Variants in ZNF609 observed in about 807,000 individuals in gnomAD.
ZNF609 encodes zinc finger protein 609.
A neutral mutation model predicts 109.5 loss-of-function variants in ZNF609; 11 were observed. The observed-to-expected ratio is 0.10, with a 90% CI of 0.06 to 0.17. The LOEUF (loss-of-function observed/expected upper bound fraction) is 0.17, where lower values mean the gene tolerates loss of function less well. ZNF609 is among the 10% of genes least tolerant of loss of function. The probability of loss-of-function intolerance (pLI) is 1.00; values close to 1 mark genes in which losing one functional copy is unlikely to be tolerated. For missense variants in ZNF609, 1,559 were observed against 1,772.4 expected, an observed-to-expected ratio of 0.88 and a Z score of 2.16; for synonymous variants, 646 against 662.0, an observed-to-expected ratio of 0.98 and a Z score of 0.37.
At chr15:64,678,012 T>A in intron 5 of ZNF609, 104 bp from the exon 6 acceptor site, 2 of 1,436,270 alleles carry the variant, frequency 1.4e-6, no homozygotes, top group Non-Finnish European at 1.9e-6. Context: ...GCCCCAGGTG[T>A]CTAGTACTAA....
intron 2 of ZNF609, among the ~76,000 whole-genome samples, chr15:64,537,510 AAAAAAG>A (rs1386743534): frequency 6.6e-6 from 1 of 151,782 alleles, no homozygotes; most frequent in Non-Finnish European, 1.5e-5. Flanking sequence ...CTCAAAAAAA[AAAAAAG>A]AAAAAGAAAA....
At chr15:64,492,497 C>A (rs1166414733) in intron 1 of ZNF609, among the ~76,000 whole-genome samples, 2 of 152,070 alleles carry the variant, frequency 1.3e-5, no homozygotes, top group African/African-American at 4.8e-5. Flanking sequence ...TACACTAGAA[C>A]CTTATAAGAG....
intron 1 of ZNF609, among the ~76,000 whole-genome samples, chr15:64,467,539 A>G (rs1193613572): frequency 6.6e-6 from 1 of 152,182 alleles, no homozygotes; most frequent in African/African-American, 2.4e-5. Flanking sequence ...GGTAATTAAT[A>G]AAATACTTTA....
At chr15:64,473,066 C>G (rs2140331291) in intron 1 of ZNF609, among the ~76,000 whole-genome samples, 1 of 151,992 alleles carries the variant, frequency 6.6e-6, no homozygotes, top group South Asian at 2.1e-4. Flanking sequence ...AAATTTGTTT[C>G]TACTTGGCAT....
intron 3 of ZNF609, chr15:64,631,284 T>C: frequency 1.5e-6 from 1 of 666,084 alleles, no homozygotes; most frequent in Non-Finnish European, 2.8e-6. Flanking sequence ...GGAAGCTATC[T>C]TGGCTTTTAG....
Position 64,508,243 on chromosome 15 carries a change from C to T in ZNF609, c.747+8077C>T, listed in dbSNP as rs555294920. On this transcript the variant is annotated intron_variant, in intron 2 of 9. Coordinates refer to ENST00000326648, the MANE Select transcript of ZNF609 (RefSeq NM_015042.2). ...TGTTTTGGGGGTTGGTATTACAAAG[C>T]AATCTACTTTTCTTTTGGCATCTGT... 7.9e-5 allele frequency among the ~76,000 whole-genome samples: 12 copies of T among 152,300 alleles called. No homozygotes were observed. The East Asian group carries it at 2.1e-3, about 27-fold the overall frequency.
chr15:64,516,635 T>A (rs1893815578), intron 2 of ZNF609, among the ~76,000 whole-genome samples: 1 of 152,154 alleles, frequency 6.6e-6, no homozygotes, highest in South Asian at 2.1e-4. Flanking sequence ...GCCTCAATCC[T>A]CCAAAGTGTT....
intron 2 of ZNF609, among the ~76,000 whole-genome samples, chr15:64,612,493 AG>A (rs1895733276): frequency 6.6e-6 from 1 of 152,064 alleles, no homozygotes; most frequent in Non-Finnish European, 1.5e-5. Context: ...TTATGTTGCC[AG>A]CTACTCTGTC....
At chr15:64,522,201 T>C (rs1893901477) in intron 2 of ZNF609, among the ~76,000 whole-genome samples, 1 of 152,206 alleles carries the variant, frequency 6.6e-6, no homozygotes, top group South Asian at 2.1e-4. Flanking sequence ...ACTAACGAGG[T>C]TTCAGCATTC....
intron 3 of ZNF609, among the ~76,000 whole-genome samples, chr15:64,633,178 C>G (rs1481160805): frequency 1.3e-5 from 2 of 148,342 alleles, no homozygotes; most frequent in African/African-American, 5.0e-5. Context: ...CACAGGGTCT[C>G]ACTCTGTTGC....
At chr15:64,679,035 T>C (rs552800803) in intron 6 of ZNF609, among the ~76,000 whole-genome samples, 1 of 152,316 alleles carries the variant, frequency 6.6e-6, no homozygotes, top group East Asian at 1.9e-4. Flanking sequence ...TAGATTCAGC[T>C]TGGAAAAGAC....
chr15:64,538,580 CTTG>C (rs1479572201), intron 2 of ZNF609, among the ~76,000 whole-genome samples: 1 of 152,156 alleles, frequency 6.6e-6, no homozygotes, highest in Non-Finnish European at 1.5e-5. Context: ...GAGTTTCACT[CTTG>C]TTGCACAGGC....
intron 2 of ZNF609, among the ~76,000 whole-genome samples, chr15:64,604,378 G>C (rs943302241): frequency 6.6e-6 from 1 of 152,114 alleles, no homozygotes; most frequent in African/African-American, 2.4e-5. Context: ...CAAGGTATTT[G>C]AAAAAGCCTT....
intron 2 of ZNF609, among the ~76,000 whole-genome samples, chr15:64,599,436 T>C (rs1345161959): frequency 6.6e-6 from 1 of 152,000 alleles, no homozygotes; most frequent in East Asian, 1.9e-4. Flanking sequence ...CAGTAAATAT[T>C]TGTGCAGTAA....
At chr15:64,670,792 C>A (rs1426942905) in intron 4 of ZNF609, among the ~76,000 whole-genome samples, 1 of 150,244 alleles carries the variant, frequency 6.7e-6, no homozygotes, top group Non-Finnish European at 1.5e-5. Flanking sequence ...GCAGGAGAAT[C>A]GCTTGAACCC....
rs1470336636 is a variant in ZNF609 at position 64,685,019 on chromosome 15, G to A, written c.*3333G>A. 6.5e-6 allele frequency: 1 copy of A among 152,684 alleles called. No individual in the cohort carries two copies. The highest frequency in any genetic ancestry group is 2.4e-5 in the African/African-American group (1 of 41,452). 9.5% of individuals were successfully genotyped at this position (152,684 alleles called of 1,614,324 possible). ...GTGCTCAGCCCTCCCATTGGGAGCA[G>A]GTTGGGGCGAGCTGGAGGCCCGGGC... is the stretch of plus-strand genomic sequence containing the variant. On this transcript the variant is annotated 3_prime_UTR_variant, in exon 10 of 10. Transcript: ENST00000326648.
rs371722771 is a variant in ZNF609 at position 64,680,321 on chromosome 15, G to A, written c.3906G>A (p.Leu1302=). The A allele has an allele frequency of 8.5e-5, 137 of 1,614,076 alleles. 1 individual carries two copies. The highest frequency in any genetic ancestry group is 1.1e-4 in the Non-Finnish European group (128 of 1,180,032). The part of the protein sequence containing the change: ...SSSESKALDI[L]QQHASHYKSK... The stretch of plus-strand genomic sequence containing the variant: ...CAGAGTCCAAAGCCCTGGACATCTT[G>A]CAGCAGCATGCCAGTCACTACAAGA... The change falls in exon 7 of 10, where the codon TTG becomes TTA. Residue 1302 remains leucine, a synonymous_variant. Coordinates refer to ENST00000326648, the MANE Select transcript of ZNF609 (RefSeq NM_015042.2).
chr15:64,556,617 C>T (rs1894592854), intron 2 of ZNF609, among the ~76,000 whole-genome samples: 1 of 152,140 alleles, frequency 6.6e-6, no homozygotes, highest in African/African-American at 2.4e-5. Flanking sequence ...TATTGCCCTT[C>T]CCTCCTAGCC....
chr15:64,529,811 A>G (rs1894031699), intron 2 of ZNF609: 4 of 439,976 alleles, frequency 9.1e-6, no homozygotes, highest in South Asian at 6.0e-5. Context: ...GCTCACCACA[A>G]CCTCTGCCTC....
Sources: gnomAD v4.1 joint callset for allele counts (sites outside exome capture counted in the v4.1 genomes callset) on GRCh38, gnomAD v4.1.1 for gene constraint, MANE v1.5 for transcripts, NCBI Gene and HGNC (gene_info 2026-07-23, HGNC 2026-07-21) for gene names.